Variants in PBLD observed in about 807,000 individuals in gnomAD.
PBLD encodes phenazine biosynthesis like protein domain containing.
PBLD carries 26 observed loss-of-function variants against 31.3 expected under a neutral mutation model. The observed-to-expected ratio is 0.83, with a 90% CI of 0.61 to 1.15. The LOEUF is 1.15. Ranked by LOEUF, PBLD falls within the 50% of genes most tolerant of loss-of-function variation. The pLI is 0.00. For missense variants in PBLD, 307 were observed against 351.7 expected, an observed-to-expected ratio of 0.87 and a Z score of 1.02; for synonymous variants, 114 against 129.0, an observed-to-expected ratio of 0.88 and a Z score of 0.79.
chr10:68,303,305 CAAACTCCTGACCTCAGGTGAT>C (rs2044530415), intron 2 of PBLD, among the ~76,000 whole-genome samples: 1 of 151,962 alleles, frequency 6.6e-6, no homozygotes, highest in Non-Finnish European at 1.5e-5. Context: ...AGGGTGGTCT[CAAACTCCTGACCTCAGGTGAT>C]CTGCCTGCCT....
At chr10:68,305,660 C>G (rs1183573403) in intron 2 of PBLD, among the ~76,000 whole-genome samples, 2 of 152,028 alleles carry the variant, frequency 1.3e-5, no homozygotes, top group Admixed American at 6.6e-5. Flanking sequence ...GAGATTAAGG[C>G]AAGAGAATCA....
At chr10:68,318,573 T>C (rs753807289) in intron 1 of PBLD, among the ~76,000 whole-genome samples, 3 of 151,122 alleles carry the variant, frequency 2.0e-5, no homozygotes, top group African/African-American at 4.9e-5. Flanking sequence ...TAAATCTATA[T>C]TGATGCCCAT....
intron 1 of PBLD, among the ~76,000 whole-genome samples, chr10:68,315,376 G>A (rs2044723528): frequency 6.6e-6 from 1 of 152,046 alleles, no homozygotes; most frequent in African/African-American, 2.4e-5. Context: ...CTTGAGGTCA[G>A]GAGTTCAAGA....
Position 68,306,565 on chromosome 10 carries a change from A to C in PBLD, c.84+196T>G, listed in dbSNP as rs568350044. On this transcript the variant is annotated intron_variant, in intron 2 of 9. Transcript: ENST00000358769. Reference sequence around the variant, plus strand: ...TTTATCTGAATCTTCATTTCATTGGACGTACCCAAGGCATAGGCATTTTTA... The same window carrying C: ...TTTATCTGAATCTTCATTTCATTGGCCGTACCCAAGGCATAGGCATTTTTA... Among the ~76,000 whole-genome samples the C allele has an allele frequency of 3.2e-4, 49 of 152,356 alleles. 1 individual carries two copies. The highest frequency in any genetic ancestry group is 3.2e-3 in the Admixed American group (49 of 15,296).
At chr10:68,307,709 C>A (rs2044601540) in intron 1 of PBLD, among the ~76,000 whole-genome samples, 1 of 152,060 alleles carries the variant, frequency 6.6e-6, no homozygotes, top group Non-Finnish European at 1.5e-5. Context: ...CCATGTTAGC[C>A]AGGATGGTCT....
intron 1 of PBLD, among the ~76,000 whole-genome samples, chr10:68,330,742 G>A (rs1386836077): frequency 9.9e-6 from 1 of 101,222 alleles, no homozygotes; most frequent in Non-Finnish European, 2.2e-5. Flanking sequence ...GTGTGTGTGT[G>A]TGTGTGTGTG....
intron 1 of PBLD, among the ~76,000 whole-genome samples, chr10:68,317,479 C>T (rs1054270634): frequency 5.3e-5 from 8 of 152,146 alleles, no homozygotes; most frequent in Non-Finnish European, 1.2e-4. Context: ...CATCATCTCA[C>T]ACCTTTCAGG....
At chr10:68,326,823 T>C (rs534586728) in intron 1 of PBLD, among the ~76,000 whole-genome samples, 1 of 152,226 alleles carries the variant, frequency 6.6e-6, no homozygotes, top group South Asian at 2.1e-4. Flanking sequence ...CCGAGGCCAG[T>C]GGATCATGAG....
chr10:68,292,219 G>A lies in PBLD; in HGVS notation c.303C>T (p.Leu101=). ...GTTCTCCACTCAGAGTGACAAACGT[G>A]AGCGTGCTATTCATGTTTTCTGGCC... ...FHKIKNMNST[L]TFVTLSGELR... is the part of the protein sequence containing the mutation. Residue 101 remains leucine (L), a synonymous_variant, in exon 5 of 10, where the codon CTC becomes CTT. Coordinates refer to ENST00000358769, the MANE Select transcript of PBLD (RefSeq NM_022129.4). 2 of 1,613,568 alleles carry A rather than the reference G, an allele frequency of 1.2e-6. No homozygotes were observed. The highest frequency in any genetic ancestry group is 1.7e-6 in the Non-Finnish European group (2 of 1,180,014).
At chr10:68,327,785 A>C (rs2134557748) in intron 1 of PBLD, among the ~76,000 whole-genome samples, 1 of 152,260 alleles carries the variant, frequency 6.6e-6, no homozygotes, top group African/African-American at 2.4e-5. Flanking sequence ...AAAGCAGTAC[A>C]ATAATTTCAT....
chr10:68,324,156 C>CTT (rs200031349), intron 1 of PBLD, among the ~76,000 whole-genome samples: 144 of 146,284 alleles, frequency 9.8e-4, no homozygotes, highest in African/African-American at 3.2e-3. Context: ...TCCTAATTTT[C>CTT]TTTTTTTTTT....
At chr10:68,318,892 CTG>C (rs1014811730) in intron 1 of PBLD, among the ~76,000 whole-genome samples, 11 of 151,450 alleles carry the variant, frequency 7.3e-5, no homozygotes, top group African/African-American at 2.7e-4. Context: ...GATCACACCA[CTG>C]TACTCCAGCC....
intron 1 of PBLD, among the ~76,000 whole-genome samples, chr10:68,307,654 T>C (rs947747348): frequency 7.6e-4 from 116 of 152,096 alleles, no homozygotes; most frequent in African/African-American, 2.6e-3. Flanking sequence ...CGCCCGCCAC[T>C]GCGCCCGGCT....
chr10:68,317,886 A>G (rs937225038), intron 1 of PBLD, among the ~76,000 whole-genome samples: 2 of 152,142 alleles, frequency 1.3e-5, no homozygotes, highest in Non-Finnish European at 1.5e-5. Context: ...TAACTTCAAA[A>G]TGGTTAAGAG....
At chr10:68,305,077 C>A (rs2044557713) in intron 2 of PBLD, among the ~76,000 whole-genome samples, 1 of 152,122 alleles carries the variant, frequency 6.6e-6, no homozygotes, top group Non-Finnish European at 1.5e-5. Context: ...TAATAATATT[C>A]CACCAGGTGC....
chr10:68,314,450 T>A (rs1037335977), intron 1 of PBLD, among the ~76,000 whole-genome samples: 2 of 152,200 alleles, frequency 1.3e-5, no homozygotes, highest in African/African-American at 4.8e-5. Context: ...AGCTACATGA[T>A]AGCTTTGAGA....
At chr10:68,285,624 T>A (rs577303883) in intron 8 of PBLD, among the ~76,000 whole-genome samples, 1 of 152,196 alleles carries the variant, frequency 6.6e-6, no homozygotes. Flanking sequence ...AAATTATGTA[T>A]CAAATATGTC....
intron 4 of PBLD, among the ~76,000 whole-genome samples, chr10:68,292,673 C>G (rs1057192719): frequency 2.6e-5 from 4 of 151,696 alleles, no homozygotes; most frequent in African/African-American, 4.8e-5. Flanking sequence ...TCACATCCAG[C>G]TAATTTTTGT....
chr10:68,289,340 C>T (rs2044327708), intron 6 of PBLD, among the ~76,000 whole-genome samples: 1 of 152,006 alleles, frequency 6.6e-6, no homozygotes, highest in African/African-American at 2.4e-5. Flanking sequence ...CCAGGCTGGC[C>T]AGCATGGCAA....
Sources: gnomAD v4.1 joint callset for allele counts (sites outside exome capture counted in the v4.1 genomes callset) on GRCh38, gnomAD v4.1.1 for gene constraint, MANE v1.5 for transcripts, NCBI Gene and HGNC (gene_info 2026-07-23, HGNC 2026-07-21) for gene names.